Variants in RDM1 observed in about 807,000 individuals in gnomAD.
RDM1 encodes RAD52 motif containing 1.
Under a neutral mutation model 27.7 loss-of-function variants are expected in RDM1, and 28 were observed. The ratio of observed to expected loss-of-function variants is 1.01; its 90% confidence interval spans 0.75 to 1.39. The LOEUF (loss-of-function observed/expected upper bound fraction) is 1.39. RDM1 is among the 40% of genes most tolerant of loss of function. The probability of loss-of-function intolerance (pLI) is 0.00; values close to 1 mark genes in which losing one functional copy is unlikely to be tolerated. For synonymous variants in RDM1, 124 were observed against 127.5 expected (o/e 0.97, Z 0.19); for missense variants, 277 against 337.3 (o/e 0.82, Z 1.40).
intron 2 of RDM1, among the ~76,000 whole-genome samples, chr17:35,929,372 C>T (rs1033094004): frequency 2.0e-5 from 3 of 152,134 alleles, no homozygotes; most frequent in African/African-American, 4.8e-5. Context: ...GCGATCCTCC[C>T]ACCTCAGTCT....
intron 2 of RDM1, among the ~76,000 whole-genome samples, chr17:35,929,266 C>G (rs1479430499): frequency 6.6e-6 from 1 of 152,000 alleles, no homozygotes; most frequent in East Asian, 1.9e-4. Flanking sequence ...TTCATTCATT[C>G]AGTCATTTTT....
chr17:35,922,620 C>T lies in RDM1; in HGVS notation c.624G>A (p.Lys208=), dbSNP rs112692396. 4.6e-5 allele frequency: 74 copies of T among 1,611,486 alleles called. No homozygotes were observed. The highest frequency in any genetic ancestry group is 6.0e-5 in the Non-Finnish European group (71 of 1,179,788). The change falls in exon 5 of 7, where the codon AAG becomes AAA. Residue 208 remains lysine (K), a synonymous_variant. Transcript: ENST00000620284. ...RKTAQKLAIQ[K]ALSDAFQKLL... ...GTTTCTGGAATGCATCTGACAAAGC[C>T]TTCTGAATAGCAAGCTTCTGGGCTG...
intron 2 of RDM1, among the ~76,000 whole-genome samples, chr17:35,926,280 C>T (rs962959498): frequency 6.6e-6 from 1 of 152,088 alleles, no homozygotes; most frequent in Non-Finnish European, 1.5e-5. Flanking sequence ...TTGTGGATTT[C>T]TTACATCACA....
At chr17:35,919,431 G>A (rs1233740465) in intron 6 of RDM1, among the ~76,000 whole-genome samples, 1 of 152,196 alleles carries the variant, frequency 6.6e-6, no homozygotes, top group Non-Finnish European at 1.5e-5. Flanking sequence ...AACCTAGGTG[G>A]TATAGCCTAC....
rs114649454 is a variant in RDM1 at position 35,927,684 on chromosome 17, T to C, written c.277-2047A>G. Among the ~76,000 whole-genome samples the C allele has an allele frequency of 2.8e-3, 432 of 152,142 alleles. 1 individual carries two copies. The highest frequency in any genetic ancestry group is 9.8e-3 in the African/African-American group (406 of 41,504). ...TTTGAGTTTAGTAATAAATCTAGTA[T>C]GAATGCCCTCTCATCTCACCTATCT... On this transcript the variant is annotated intron_variant, in intron 2 of 6. Transcript: ENST00000620284.
In RDM1 at chr17:35,925,651, A is replaced by G; in HGVS notation, c.277-14T>C. The G allele has an allele frequency of 6.2e-7, 1 of 1,603,068 alleles. No homozygotes were observed. The highest frequency in any genetic ancestry group is 8.5e-7 in the Non-Finnish European group (1 of 1,173,760). On this transcript the variant is annotated splice_polypyrimidine_tract_variant and intron_variant, in intron 2 of 6. Transcript: ENST00000620284. ...GCCAAGACGAACCTAAAATCATAGGAGATAGACCCATAAATATCACAACCG... is the reference window on the plus strand; with the variant it reads ...GCCAAGACGAACCTAAAATCATAGGGGATAGACCCATAAATATCACAACCG...
rs1013511994 is a variant in RDM1, at chr17:35,923,349, CAAAAA to C, written c.569-679_569-675del. On this transcript the variant is annotated intron_variant, in intron 4 of 6. Coordinates refer to ENST00000620284, the MANE Select transcript of RDM1 (RefSeq NM_145654.4). Reference sequence around the variant, plus strand: ...TGGGCGACAGAGTGAGATTCTGTCTCAAAAAAAAAAAAAAAAAAAAAAGAGGCTAG... The same window carrying C: ...TGGGCGACAGAGTGAGATTCTGTCTCAAAAAAAAAAAAAAAAAGAGGCTAG... Among the ~76,000 whole-genome samples the C allele has an allele frequency of 1.9e-4, 9 of 47,252 alleles. No homozygotes were observed. In the South Asian group the frequency reaches 3.8e-3, roughly 20 times the overall value. 31.0% of individuals were successfully genotyped at this position (47,252 alleles called of 152,430 possible). A position where few individuals can be genotyped will look rare whatever the true frequency, so the allele number is the denominator to read the frequency against.
At chr17:35,929,501 G>T (rs1339011295) in intron 2 of RDM1, among the ~76,000 whole-genome samples, 2 of 151,972 alleles carry the variant, frequency 1.3e-5, no homozygotes, top group Non-Finnish European at 2.9e-5. Flanking sequence ...GAGTGCAGTG[G>T]CACAATCTCG....
At position 35,930,719 on chromosome 17, in the gene RDM1, C is replaced by G. The variant is rs374308964; in HGVS notation, c.9G>C (p.Glu3Asp). Reference sequence around the variant, plus strand: ...CGATGGGAACCGCAAAAGGTACCAACTCCGCCATCCTCCCTTCACCGCACC... The same window carrying G: ...CGATGGGAACCGCAAAAGGTACCAAGTCCGCCATCCTCCCTTCACCGCACC... The part of the protein sequence containing the change: MA[E>D]LVPFAVPIES... Residue 3 changes from glutamate to aspartate, a missense_variant, in exon 1 of 7, where the codon GAG becomes GAC. Transcript: ENST00000620284. 8.1e-6 allele frequency: 13 copies of G among 1,613,688 alleles called. No homozygotes were observed. The Middle Eastern group carries it at 5.0e-4, about 61-fold the overall frequency.
chr17:35,927,113 A>AT (rs1359527996), intron 2 of RDM1, among the ~76,000 whole-genome samples: 1 of 99,256 alleles, frequency 1.0e-5, no homozygotes, highest in African/African-American at 5.0e-5. Flanking sequence ...CCTTCATTTC[A>AT]CCAAAAAAAA....
At chr17:35,928,623 G>A (rs1296918161) in intron 2 of RDM1, among the ~76,000 whole-genome samples, 6 of 151,978 alleles carry the variant, frequency 3.9e-5, no homozygotes, top group Non-Finnish European at 5.9e-5. Flanking sequence ...TCAGCCAGGC[G>A]TGGTGGTGCA....
At chr17:35,925,780 C>T in intron 2 of RDM1, 143 bp from the exon 3 acceptor site, 1 of 910,638 alleles carries the variant, frequency 1.1e-6, no homozygotes, top group Admixed American at 2.4e-5. Context: ...GAGAATATGA[C>T]CTGAATATAG....
chr17:35,918,413 G>T lies in RDM1; in HGVS notation c.784C>A (p.Gln262Lys), dbSNP rs774338278. Residue 262 changes from glutamine to lysine, a missense_variant, in exon 7 of 7, where the codon CAA becomes AAA. Physicochemically the swap from Gln to Lys is moderately conservative, Grantham distance 53 (BLOSUM62 1). Coordinates refer to ENST00000620284, the MANE Select transcript of RDM1 (RefSeq NM_145654.4). ...VPCSPWKQYG[Q>K]EEEGYLSDFS... Reference sequence around the variant, plus strand: ...TCCGAGAGATACCCTTCCTCCTCTTGGCCATACTGCTTCCAGGGAGAGCAA... The same window carrying T: ...TCCGAGAGATACCCTTCCTCCTCTTTGCCATACTGCTTCCAGGGAGAGCAA... The T allele has an allele frequency of 9.3e-6, 15 of 1,613,982 alleles. No individual in the cohort carries two copies. Among genetic ancestry groups the T allele is most frequent in the Non-Finnish European group, 1.2e-5 (14 of 1,180,024 alleles).
In RDM1 at chr17:35,920,799, C is replaced by T. The variant is rs188137493; in HGVS notation, c.668-527G>A. Among the ~76,000 whole-genome samples the T allele has an allele frequency of 2.9e-3, 447 of 152,060 alleles. 1 individual carries two copies. The highest frequency in any genetic ancestry group is 3.8e-3 in the Non-Finnish European group (256 of 67,974). On this transcript the variant is annotated intron_variant, in intron 5 of 6. Transcript: ENST00000620284. The stretch of plus-strand genomic sequence containing the variant: ...ATATGTATGAAATATCAACCATATT[C>T]GGTACAAAGGACTTTATGATCTTAC...
Position 35,924,636 on chromosome 17 carries a change from A to T in RDM1, c.536T>A (p.Leu179Ter). Reference sequence around the variant, plus strand: ...CACCTTATCCATAGGCTCCTCCACCAAGCCAATGCCAGGACTCCTGCAATC... The same window carrying T: ...CACCTTATCCATAGGCTCCTCCACCTAGCCAATGCCAGGACTCCTGCAATC... ...SCDCRSPGIGLVEEPMDKVEE... is the reference protein window; with the variant it reads ...SCDCRSPGIG The change falls in exon 4 of 7, where the codon TTG (leucine) becomes TAG (stop). Residue 179 changes from leucine to a stop codon, truncating the protein, a stop_gained. Coordinates refer to ENST00000620284, the MANE Select transcript of RDM1 (RefSeq NM_145654.4). LOFTEE classifies it high-confidence loss of function. 2 of 1,614,064 alleles carry T rather than the reference A, an allele frequency of 1.2e-6. No individual in the cohort carries two copies. Among genetic ancestry groups the T allele is most frequent in the Non-Finnish European group, 1.7e-6 (2 of 1,179,966 alleles).
chr17:35,930,715 C>A lies in RDM1; in HGVS notation c.13G>T (p.Val5Leu). The change falls in exon 1 of 7, where the codon GTA becomes TTA. Residue 5 changes from valine (V) to leucine (L), a missense_variant. By Grantham distance (32) the Val-to-Leu change is conservative. Coordinates refer to ENST00000620284, the MANE Select transcript of RDM1 (RefSeq NM_145654.4). ...CTCTCGATGGGAACCGCAAAAGGTA[C>A]CAACTCCGCCATCCTCCCTTCACCG... Reference protein sequence around the residue: MAELVPFAVPIESDK... With the variant: MAELLPFAVPIESDK... The A allele has an allele frequency of 6.2e-7, 1 of 1,613,742 alleles. No homozygotes were observed. Among genetic ancestry groups the A allele is most frequent in the South Asian group, 1.1e-5 (1 of 91,054 alleles).
chr17:35,919,927 G>A (rs1226965393), intron 6 of RDM1, among the ~76,000 whole-genome samples: 1 of 152,090 alleles, frequency 6.6e-6, no homozygotes, highest in Non-Finnish European at 1.5e-5. Context: ...TAACTCCTGG[G>A]GGAAGACTAA....
intron 5 of RDM1, 157 bp downstream of exon 5, chr17:35,922,420 G>T: frequency 2.2e-6 from 2 of 922,014 alleles, no homozygotes; most frequent in Non-Finnish European, 1.6e-6. Context: ...ATGTCACACA[G>T]AACAAATTTG....
At chr17:35,925,678 T>C (rs1298981420) in intron 2 of RDM1, 41 bp from the exon 3 acceptor site, 1 of 1,571,880 alleles carries the variant, frequency 6.4e-7, no homozygotes, top group Admixed American at 1.9e-5. Flanking sequence ...TCACAACCGC[T>C]AGAGATTTTA....
Sources: allele counts gnomAD v4.1 joint callset (sites outside exome capture counted in the v4.1 genomes callset), GRCh38; gene constraint gnomAD v4.1.1; transcripts MANE v1.5; gene names NCBI Gene and HGNC (gene_info 2026-07-23, HGNC 2026-07-21).